KMT2C: variants seen among roughly 807,000 people sequenced by gnomAD.
KMT2C encodes lysine methyltransferase 2C, also known as histone-lysine N-methyltransferase 2C.
Under a neutral mutation model 507.9 loss-of-function variants are expected in KMT2C, and 88 were observed. That is an observed-to-expected ratio of 0.17 (90% CI 0.15 to 0.21). The LOEUF is 0.21. Among genes scored for constraint, KMT2C ranks in the 10% least tolerant of loss-of-function variants. KMT2C has a pLI of 1.00. For missense variants in KMT2C, 4,954 were observed against 5,957.8 expected (o/e 0.83, Z 5.55); for synonymous variants, 2,049 against 2,080.8 (o/e 0.98, Z 0.42).
intron 53 of KMT2C, among the ~76,000 whole-genome samples, chr7:152,146,156 A>G (rs935094173): frequency 6.6e-6 from 1 of 152,222 alleles, no homozygotes; most frequent in East Asian, 1.9e-4. Flanking sequence ...AGAGGACAGA[A>G]ATCAGTGCTG....
chr7:152,264,066 G>A (rs2095823449), intron 8 of KMT2C, among the ~76,000 whole-genome samples: 2 of 152,132 alleles, frequency 1.3e-5, no homozygotes, highest in African/African-American at 4.8e-5. Flanking sequence ...AAAGATCTTG[G>A]AGGACAAGTA....
chr7:152,251,327 A>G lies in KMT2C; in HGVS notation c.1622-361T>C, dbSNP rs116476591. On this transcript the variant is annotated intron_variant, in intron 11 of 58. Coordinates refer to ENST00000262189, the MANE Select transcript of KMT2C (RefSeq NM_170606.3). ...GTAACTGGCACATTATTTTAAAAGG[A>G]TATTTCAAAACTAAATACTGATGGC... Among the ~76,000 whole-genome samples, 1,348 of 152,302 alleles carry G rather than the reference A, an allele frequency of 8.9e-3. 25 individuals are homozygous for G. The highest frequency in any genetic ancestry group is 0.031 in the African/African-American group (1,303 of 41,570).
At chr7:152,402,045 G>C (rs1358469564) in intron 1 of KMT2C, among the ~76,000 whole-genome samples, 5 of 152,268 alleles carry the variant, frequency 3.3e-5, no homozygotes, top group African/African-American at 7.2e-5. Flanking sequence ...GGGCGGCAGA[G>C]GTTGCAGCAA....
chr7:152,320,391 G>T (rs2129205650), intron 3 of KMT2C, among the ~76,000 whole-genome samples: 1 of 152,292 alleles, frequency 6.6e-6, no homozygotes, highest in Admixed American at 6.5e-5. Flanking sequence ...TGGGACTACA[G>T]GCACACGCCA....
Position 152,147,724 on chromosome 7 carries a change from A to G in KMT2C, c.13894+309T>C, listed in dbSNP as rs1047539541. 1.3e-3 allele frequency among the ~76,000 whole-genome samples: 165 copies of G among 130,588 alleles called. 1 individual carries two copies. The highest frequency in any genetic ancestry group is 3.5e-3 in the African/African-American group (107 of 30,932). The allele number at this position is 130,588 out of a possible 152,430, so 85.7% of individuals were successfully genotyped here. A position where few individuals can be genotyped will look rare whatever the true frequency, so the allele number is the denominator to read the frequency against. On this transcript the variant is annotated intron_variant, in intron 52 of 58. Transcript: ENST00000262189. ...CTCCGTCTCAAAAAAAAAAAAAAAA[A>G]AAAAGAAAAAGAAAAAGAAAAAGGA...
At chr7:152,349,261 C>T (rs2097090708) in intron 2 of KMT2C, among the ~76,000 whole-genome samples, 1 of 152,020 alleles carries the variant, frequency 6.6e-6, no homozygotes, top group Non-Finnish European at 1.5e-5. Flanking sequence ...GCCTGATCAA[C>T]ATGGAGAAAC....
chr7:152,337,440 C>A (rs2129216906), intron 2 of KMT2C, among the ~76,000 whole-genome samples: 1 of 152,270 alleles, frequency 6.6e-6, no homozygotes, highest in African/African-American at 2.4e-5. Context: ...TCATAACATA[C>A]CCTCTTTTAA....
At chr7:152,385,256 G>A (rs2097413544) in intron 1 of KMT2C, among the ~76,000 whole-genome samples, 1 of 151,570 alleles carries the variant, frequency 6.6e-6, no homozygotes, top group Non-Finnish European at 1.5e-5. Context: ...AAAGGAAGGT[G>A]GTATCCTACA....
rs1007351478 is a variant in KMT2C at position 152,146,705 on chromosome 7, G to C, written c.13925C>G (p.Ala4642Gly). ...GVWDKILEPV[A>G]CVRKKSEMLQ... The stretch of plus-strand genomic sequence containing the variant: ...CATTTCAGACTTTTTTCTCACACAT[G>C]CCACAGGCTCCAAAATCTTATCCCA... The change falls in exon 53 of 59, where the codon GCA (alanine) becomes GGA (glycine). Residue 4642 changes from alanine to glycine, a missense_variant. Transcript: ENST00000262189. The C allele has an allele frequency of 6.2e-7, 1 of 1,613,932 alleles. No individual in the cohort carries two copies. The highest frequency in any genetic ancestry group is 8.5e-7 in the Non-Finnish European group (1 of 1,179,894).
chr7:152,272,841 C>A (rs200013397), intron 7 of KMT2C, among the ~76,000 whole-genome samples: 9 of 152,080 alleles, frequency 5.9e-5, no homozygotes, highest in African/African-American at 2.2e-4. Flanking sequence ...GCTATACTTA[C>A]GTTTCACAGA....
At chr7:152,188,174 A>AT (rs974501447) in intron 31 of KMT2C, among the ~76,000 whole-genome samples, 6 of 152,094 alleles carry the variant, frequency 3.9e-5, no homozygotes, top group Non-Finnish European at 7.4e-5. Flanking sequence ...TAAAAGTAGG[A>AT]TTTTTTTCAG....
In KMT2C at chr7:152,253,513, AC is replaced by A. The variant is rs1414620936; in HGVS notation, c.1300-799del. On this transcript the variant is annotated intron_variant, in intron 9 of 58. Coordinates refer to ENST00000262189, the MANE Select transcript of KMT2C (RefSeq NM_170606.3). Reference sequence around the variant, plus strand: ...AAGAAGGCAAAACACCTCTTTCTCTACAAAAAAAAAAAAAAAAAAAAAAAAA... The same window carrying A: ...AAGAAGGCAAAACACCTCTTTCTCTAAAAAAAAAAAAAAAAAAAAAAAAAA... 1.1e-4 allele frequency among the ~76,000 whole-genome samples: 14 copies of A among 124,366 alleles called. No homozygotes were observed. The South Asian group carries it at 3.4e-3, about 30-fold the overall frequency. The allele number at this position is 124,366 out of a possible 152,430, so 81.6% of individuals were successfully genotyped here. A position where few individuals can be genotyped will look rare whatever the true frequency, so the allele number is the denominator to read the frequency against.
chr7:152,418,550 C>T (rs765331243), intron 1 of KMT2C, among the ~76,000 whole-genome samples: 7 of 152,086 alleles, frequency 4.6e-5, no homozygotes, highest in Non-Finnish European at 5.9e-5. Flanking sequence ...CCTGCCTCAG[C>T]CTCCTGAGCA....
chr7:152,178,127 A>G (rs1563266852), intron 37 of KMT2C, 117 bp from the exon 38 acceptor site: 26 of 1,063,840 alleles, frequency 2.4e-5, no homozygotes, highest in Non-Finnish European at 3.0e-5. Context: ...ATGTTGCCAA[A>G]TACTATGACT....
rs1455482852 is a variant in KMT2C at position 152,249,920 on chromosome 7, C to T, written c.1769G>A (p.Ser590Asn). ...VQVHTEEQQK[S>N]HPSESLDTDS... ...TGTGTCAAGACTTTCTGAGGGATGA[C>T]TCTTCTGTTGCTCTTCAGTGTGGAC... is the stretch of plus-strand genomic sequence containing the variant. Residue 590 changes from serine to asparagine, a missense_variant, in exon 13 of 59, where the codon AGT becomes AAT. Ser to Asn is a conservative substitution (Grantham distance 46). Coordinates refer to ENST00000262189, the MANE Select transcript of KMT2C (RefSeq NM_170606.3). 5 of 1,610,650 alleles carry T rather than the reference C, an allele frequency of 3.1e-6. No individual in the cohort carries two copies. The African/African-American group carries it at 6.7e-5, about 22-fold the overall frequency.
intron 1 of KMT2C, among the ~76,000 whole-genome samples, chr7:152,373,423 T>C (rs953093938): frequency 1.3e-5 from 2 of 152,152 alleles, no homozygotes; most frequent in African/African-American, 2.4e-5. Context: ...ATAACAAATA[T>C]TGAGATAACA....
intron 2 of KMT2C, among the ~76,000 whole-genome samples, chr7:152,353,383 T>C (rs1309655356): frequency 6.6e-6 from 1 of 152,160 alleles, no homozygotes; most frequent in Non-Finnish European, 1.5e-5. Flanking sequence ...GAGATAAAGA[T>C]GAAATTTTCT....
intron 1 of KMT2C, among the ~76,000 whole-genome samples, chr7:152,369,975 T>TG (rs1204245172): frequency 6.6e-6 from 1 of 152,070 alleles, no homozygotes; most frequent in African/African-American, 2.4e-5. Context: ...GGGCAGATCA[T>TG]GAGGTCAGGA....
At chr7:152,202,460 A>C (rs2094174677) in intron 26 of KMT2C, among the ~76,000 whole-genome samples, 1 of 152,238 alleles carries the variant, frequency 6.6e-6, no homozygotes, top group Non-Finnish European at 1.5e-5. Flanking sequence ...GTATTTTGGA[A>C]AACAAAAAGA....
Sources: gnomAD v4.1 joint callset for allele counts (sites outside exome capture counted in the v4.1 genomes callset) on GRCh38, gnomAD v4.1.1 for gene constraint, MANE v1.5 for transcripts, NCBI Gene and HGNC (gene_info 2026-07-23, HGNC 2026-07-21) for gene names.